The following CNTNAP3 variants were observed in gnomAD, a reference collection of about 807,000 sequenced individuals.
CNTNAP3 encodes contactin associated protein family member 3.
A neutral mutation model predicts 92.1 loss-of-function variants in CNTNAP3; 36 were observed. The observed-to-expected ratio is 0.39, with a 90% CI of 0.30 to 0.52. The LOEUF is 0.52. Ranked by LOEUF, CNTNAP3 falls within the 20% of genes least tolerant of loss-of-function variation. CNTNAP3 has a pLI of 0.76. For synonymous variants in CNTNAP3, 232 were observed against 422.3 expected, an observed-to-expected ratio of 0.55 and a Z score of 5.53; for missense variants, 534 against 1,069.6, an observed-to-expected ratio of 0.50 and a Z score of 6.98.
Position 39,133,106 on chromosome 9 carries a change from C to T in CNTNAP3, c.1906G>A (p.Gly636Ser), listed in dbSNP as rs1233222930. The change falls in exon 13 of 24, where the codon GGT (glycine) becomes AGT (serine). Residue 636 changes from glycine to serine, a missense_variant. Gly to Ser is a moderately conservative substitution (Grantham distance 56). Transcript: ENST00000297668. ...CGGAGGGTCACCGCGTCGGGGCCAC[C>T]GTGCTGCACCACCGTCCACGCGGCG... is the stretch of plus-strand genomic sequence containing the variant. Reference protein sequence around the residue: ...ADAAWTVVQHGGPDAVTLRGA... With the variant: ...ADAAWTVVQHSGPDAVTLRGA... 3.8e-6 allele frequency: 6 copies of T among 1,573,662 alleles called. No homozygotes were observed. The highest frequency in any genetic ancestry group is 1.2e-5 in the South Asian group (1 of 86,454).
chr9:39,074,506 T>TTTTGG (rs1315583103), intron 23 of CNTNAP3, among the ~76,000 whole-genome samples: 1 of 151,422 alleles, frequency 6.6e-6, no homozygotes, highest in African/African-American at 2.4e-5. Context: ...TCTGACGGAC[T>TTTTGG]ATGACTTTTG....
At chr9:39,074,673 A>G (rs1169837177) in intron 23 of CNTNAP3, among the ~76,000 whole-genome samples, 1 of 152,160 alleles carries the variant, frequency 6.6e-6, no homozygotes, top group Non-Finnish European at 1.5e-5. Context: ...ACAAGTATAG[A>G]GTGTTTGCAT....
intron 13 of CNTNAP3, among the ~76,000 whole-genome samples, chr9:39,126,584 GA>G: frequency 6.6e-6 from 1 of 152,216 alleles, no homozygotes; most frequent in South Asian, 2.1e-4. Flanking sequence ...TTTTAAAAAT[GA>G]ACACCACAAC....
intron 13 of CNTNAP3, among the ~76,000 whole-genome samples, chr9:39,132,452 T>C (rs1821315886): frequency 6.6e-6 from 1 of 152,092 alleles, no homozygotes; most frequent in Non-Finnish European, 1.5e-5. Flanking sequence ...CTAGTCATTA[T>C]TTCATCCTAG....
intron 14 of CNTNAP3, among the ~76,000 whole-genome samples, chr9:39,117,079 A>G (rs930136907): frequency 6.6e-6 from 1 of 151,758 alleles, no homozygotes; most frequent in African/African-American, 2.4e-5. Flanking sequence ...TGCAACCTCT[A>G]CCTCCTGGGT....
At chr9:39,122,365 A>G (rs1341797427) in intron 13 of CNTNAP3, among the ~76,000 whole-genome samples, 1 of 152,038 alleles carries the variant, frequency 6.6e-6, no homozygotes, top group African/African-American at 2.4e-5. Context: ...AAAAATTAAA[A>G]TAAAATAAAA....
intron 9 of CNTNAP3, among the ~76,000 whole-genome samples, chr9:39,164,572 C>T (rs544318876): frequency 7.2e-6 from 1 of 138,244 alleles, no homozygotes; most frequent in East Asian, 2.1e-4. Flanking sequence ...AATTAAGTTA[C>T]CTCAGTAACA....
Position 39,249,863 on chromosome 9 carries a change from T to C in CNTNAP3, c.197-10677A>G, listed in dbSNP as rs1407999813. ...TAACTTATATTTCTCCAATGGTTAA[T>C]GATTTTAATACCAAATGTTGACCAG... On this transcript the variant is annotated intron_variant, in intron 2 of 23. Coordinates refer to ENST00000297668, the MANE Select transcript of CNTNAP3 (RefSeq NM_033655.5). 2.1e-4 allele frequency among the ~76,000 whole-genome samples: 2 copies of C among 9,464 alleles called. 1 individual carries two copies. The highest frequency in any genetic ancestry group is 2.3e-4 in the African/African-American group (2 of 8,764). 6.2% of individuals were successfully genotyped at this position (9,464 alleles called of 152,430 possible). A position where few individuals can be genotyped will look rare whatever the true frequency, so the allele number is the denominator to read the frequency against.
chr9:39,077,740 AGTT>A (rs1422198316), intron 23 of CNTNAP3, among the ~76,000 whole-genome samples: 9 of 152,254 alleles, frequency 5.9e-5, no homozygotes, highest in African/African-American at 2.2e-4. Flanking sequence ...TCCGTCCAAC[AGTT>A]GTCATTACCG....
chr9:39,205,060 T>C (rs1822561177), intron 3 of CNTNAP3, among the ~76,000 whole-genome samples: 1 of 57,330 alleles, frequency 1.7e-5, no homozygotes, highest in Admixed American at 1.8e-4. Flanking sequence ...TGCTCAGAGA[T>C]GGTCAGTATT....
intron 13 of CNTNAP3, among the ~76,000 whole-genome samples, chr9:39,127,867 C>A (rs998366209): frequency 1.3e-5 from 2 of 151,976 alleles, no homozygotes; most frequent in African/African-American, 2.4e-5. Flanking sequence ...GAGATGAAAT[C>A]TCGTTCTGTT....
At chr9:39,095,303 G>A (rs756745758) in intron 18 of CNTNAP3, among the ~76,000 whole-genome samples, 1 of 151,576 alleles carries the variant, frequency 6.6e-6, no homozygotes, top group African/African-American at 2.4e-5. Flanking sequence ...ATTGAAATTT[G>A]GATGCCTTCT....
intron 21 of CNTNAP3, among the ~76,000 whole-genome samples, chr9:39,082,130 A>C (rs1825959192): frequency 6.6e-6 from 1 of 151,164 alleles, no homozygotes; most frequent in Non-Finnish European, 1.5e-5. Flanking sequence ...AAATTAAATA[A>C]AATGTAAAAT....
chr9:39,092,801 G>A (rs1826237139), intron 18 of CNTNAP3, among the ~76,000 whole-genome samples: 1 of 138,290 alleles, frequency 7.2e-6, no homozygotes, highest in Admixed American at 7.0e-5. Context: ...TTTATTGTAA[G>A]TGAAGTATTG....
intron 18 of CNTNAP3, among the ~76,000 whole-genome samples, chr9:39,096,940 CATT>C (rs1436509301): frequency 6.6e-6 from 1 of 150,860 alleles, no homozygotes; most frequent in East Asian, 2.0e-4. Context: ...TGTTTTCAAC[CATT>C]ATTTTTCAAA....
At chr9:39,077,002 G>T (rs1459984575) in intron 23 of CNTNAP3, among the ~76,000 whole-genome samples, 1 of 152,294 alleles carries the variant, frequency 6.6e-6, no homozygotes, top group East Asian at 1.9e-4. Context: ...AACAAGGAAA[G>T]GTGAATGCTT....
intron 13 of CNTNAP3, among the ~76,000 whole-genome samples, chr9:39,125,910 G>GT (rs1821143742): frequency 6.6e-6 from 1 of 152,114 alleles, no homozygotes; most frequent in Non-Finnish European, 1.5e-5. Flanking sequence ...CCCTCTATGA[G>GT]TAAGTGACAG....
In CNTNAP3 at chr9:39,068,618, C is replaced by G. The variant is rs1825565627; in HGVS notation, c.*5272G>C. ...TTGTTACACACTGAAGGGCGACCCT[C>G]TCCAGATTTGCAAAGTTTTCTCCAA... On this transcript the variant is annotated 3_prime_UTR_variant, in exon 24 of 24. Transcript: ENST00000297668. Among the ~76,000 whole-genome samples the G allele has an allele frequency of 6.6e-6, 1 of 152,308 alleles. No homozygotes were observed. The highest frequency in any genetic ancestry group is 2.4e-5 in the African/African-American group (1 of 41,486).
chr9:39,124,895 T>C (rs1758539601), intron 13 of CNTNAP3, among the ~76,000 whole-genome samples: 1 of 151,960 alleles, frequency 6.6e-6, no homozygotes, highest in Admixed American at 6.6e-5. Flanking sequence ...TAGGAACACT[T>C]TTACACTGTT....
Sources: allele counts gnomAD v4.1 joint callset (sites outside exome capture counted in the v4.1 genomes callset), GRCh38; gene constraint gnomAD v4.1.1; transcripts MANE v1.5; gene names NCBI Gene and HGNC (gene_info 2026-07-23, HGNC 2026-07-21).